Variants in KIF16B observed in about 807,000 individuals in gnomAD.
KIF16B encodes the protein kinesin-like protein KIF16B.
Under a neutral mutation model 156.3 loss-of-function variants are expected in KIF16B, and 98 were observed. That is an observed-to-expected ratio of 0.63 (90% CI 0.53 to 0.74). KIF16B has a LOEUF of 0.74. KIF16B is among the 30% of genes least tolerant of loss of function. KIF16B has a pLI of 0.00. For synonymous variants in KIF16B, 564 were observed against 583.7 expected (o/e 0.97, Z 0.49); for missense variants, 1,421 against 1,606.5 (o/e 0.88, Z 1.97).
intron 1 of KIF16B, among the ~76,000 whole-genome samples, chr20:16,566,201 T>C (rs4813224): frequency 0.76 from 115,793 of 152,210 alleles, 44,160 homozygotes; most frequent in East Asian, 0.79. Flanking sequence ...TTTCCAATTA[T>C]AACCATGCCC....
intron 1 of KIF16B, among the ~76,000 whole-genome samples, chr20:16,550,155 AAAAC>A (rs2070584989): frequency 8.1e-6 from 1 of 123,648 alleles, no homozygotes; most frequent in Non-Finnish European, 1.7e-5. Flanking sequence ...TTACAAGAAA[AAAAC>A]AAACAACCCC....
chr20:16,478,680 A>G (rs2067888932), intron 12 of KIF16B, among the ~76,000 whole-genome samples: 1 of 152,156 alleles, frequency 6.6e-6, no homozygotes, highest in African/African-American at 2.4e-5. Flanking sequence ...TTTGTATTCA[A>G]GTCACCCTTA....
Position 16,507,980 on chromosome 20 carries a change from A to G in KIF16B, c.677T>C (p.Ile226Thr), listed in dbSNP as rs1389303353. Residue 226 changes from isoleucine to threonine, a missense_variant, in exon 7 of 26, where the codon ATC (isoleucine) becomes ACC (threonine). By Grantham distance (89) the Ile-to-Thr change is moderately conservative. Transcript: ENST00000354981. ...TACCTGAGTGAACTTGATGGTGAAG[A>G]TGGCATGAGACCTGCTACTGACGTC... Reference protein sequence around the residue: ...MNDVSSRSHAIFTIKFTQAKF... With the variant: ...MNDVSSRSHATFTIKFTQAKF... 6.2e-7 allele frequency: 1 copy of G among 1,614,076 alleles called. No homozygotes were observed.
chr20:16,557,525 G>T (rs1394312641), intron 1 of KIF16B, among the ~76,000 whole-genome samples: 1 of 152,100 alleles, frequency 6.6e-6, no homozygotes, highest in African/African-American at 2.4e-5. Context: ...AGTCATCACA[G>T]TAACACCAGA....
chr20:16,356,404 G>C lies in KIF16B; in HGVS notation c.3547C>G (p.Pro1183Ala), dbSNP rs773791181. The C allele has an allele frequency of 2.5e-6, 4 of 1,614,104 alleles. No individual in the cohort carries two copies. In the South Asian group the frequency reaches 3.3e-5, roughly 13 times the overall value. The change falls in exon 23 of 26, where the codon CCA becomes GCA. Residue 1183 changes from proline (P) to alanine (A), a missense_variant. Coordinates refer to ENST00000354981, the MANE Select transcript of KIF16B (RefSeq NM_024704.5). The part of the protein sequence containing the change: ...LGANPDDLKD[P>A]IKISIPRYVL... ...TAGCGTGGGATACTAATTTTAATTG[G>C]GTCCTTCAGGTCATCTGGATTTGCG...
chr20:16,374,161 A>C, intron 20 of KIF16B, 96 bp downstream of exon 20: 1 of 1,270,860 alleles, frequency 7.9e-7, no homozygotes, highest in Non-Finnish European at 1.1e-6. Context: ...GTTGCCCTTA[A>C]TAGAGCCCTC....
Position 16,512,885 on chromosome 20 carries a change from G to A in KIF16B, c.387C>T (p.Leu129=), listed in dbSNP as rs2069002424. Residue 129 remains leucine (L), a synonymous_variant, in exon 5 of 26, where the codon CTC becomes CTT. Coordinates refer to ENST00000354981, the MANE Select transcript of KIF16B (RefSeq NM_024704.5). ...SGLIPRICEG[L]FSRINETTRW... ...TGGTGGTTTCATTTATCCGACTGAA[G>A]AGTCCTTCACAGATCCGAGGTATTA... 6.2e-7 allele frequency: 1 copy of A among 1,613,888 alleles called. No individual in the cohort carries two copies. Among genetic ancestry groups the A allele is most frequent in the Non-Finnish European group, 8.5e-7 (1 of 1,179,792 alleles).
chr20:16,419,955 T>G lies in KIF16B; in HGVS notation c.1612+7149A>C, dbSNP rs117476406. The stretch of plus-strand genomic sequence containing the variant: ...GTATTATGATCAAATTCACATTTTC[T>G]TCTTGGTAAAATTCACACTTTCTTG... On this transcript the variant is annotated intron_variant, in intron 15 of 25. Coordinates refer to ENST00000354981, the MANE Select transcript of KIF16B (RefSeq NM_024704.5). 4.6e-3 allele frequency among the ~76,000 whole-genome samples: 707 copies of G among 152,292 alleles called. 5 individuals are homozygous for G. Among genetic ancestry groups the G allele is most frequent in the East Asian group, 0.023 (120 of 5,176 alleles).
chr20:16,331,391 G>C (rs1454190549), intron 24 of KIF16B, among the ~76,000 whole-genome samples: 1 of 152,276 alleles, frequency 6.6e-6, no homozygotes, highest in East Asian at 1.9e-4. Context: ...TTTAGACAAA[G>C]TTCCAAAAGA....
In KIF16B at chr20:16,404,815, G is replaced by A. The variant is rs780867035; in HGVS notation, c.1782C>T (p.Pro594=). The change falls in exon 17 of 26, where the codon CCC becomes CCT. Residue 594 remains proline, a splice_region_variant and synonymous_variant. Coordinates refer to ENST00000354981, the MANE Select transcript of KIF16B (RefSeq NM_024704.5). ...AGGAGATGCTGCTGTTCACTCACCC[G>A]GGGTTATACAACATGACTGCAGACA... ...ENLSAVMLYN[P]GLEFERQQRE... The A allele has an allele frequency of 9.3e-6, 15 of 1,609,372 alleles. No homozygotes were observed. Among genetic ancestry groups the A allele is most frequent in the Non-Finnish European group, 6.0e-6 (7 of 1,176,050 alleles).
At chr20:16,289,774 G>A (rs1467940493) in intron 25 of KIF16B, among the ~76,000 whole-genome samples, 2 of 152,234 alleles carry the variant, frequency 1.3e-5, no homozygotes, top group African/African-American at 4.8e-5. Context: ...CCAGGAGGCG[G>A]AGGCTGCAGT....
intron 12 of KIF16B, among the ~76,000 whole-genome samples, chr20:16,457,832 C>T (rs1418752403): frequency 1.3e-5 from 2 of 151,824 alleles, no homozygotes; most frequent in South Asian, 2.1e-4. Context: ...AATTTAGCCA[C>T]GCCGGCACAC....
chr20:16,397,540 GAT>G (rs1210345818), intron 17 of KIF16B, among the ~76,000 whole-genome samples: 2 of 152,194 alleles, frequency 1.3e-5, no homozygotes, highest in East Asian at 3.8e-4. Flanking sequence ...AAAATTAGTA[GAT>G]GGCCTGCTGA....
intron 1 of KIF16B, among the ~76,000 whole-genome samples, chr20:16,544,447 T>C (rs2070323094): frequency 6.6e-6 from 1 of 151,706 alleles, no homozygotes; most frequent in Non-Finnish European, 1.5e-5. Flanking sequence ...CCGTCTCTAC[T>C]AAAAATACAA....
Position 16,440,633 on chromosome 20 carries a change from C to T in KIF16B, c.1303-10651G>A, listed in dbSNP as rs149339243. Among the ~76,000 whole-genome samples the T allele has an allele frequency of 7.2e-3, 1,084 of 150,342 alleles. 3 individuals are homozygous for T. The highest frequency in any genetic ancestry group is 0.012 in the Non-Finnish European group (828 of 67,608). On this transcript the variant is annotated intron_variant, in intron 12 of 25. Transcript: ENST00000354981. ...GGAAGAGCCACAGGACTCACCAGGG[C>T]AGAATTAGGAGAAGAAGGGTCTGGC...
At chr20:16,561,938 T>C (rs1235161032) in intron 1 of KIF16B, among the ~76,000 whole-genome samples, 1 of 152,192 alleles carries the variant, frequency 6.6e-6, no homozygotes, top group Admixed American at 6.5e-5. Flanking sequence ...TACATTTAGA[T>C]GCAATGTGGG....
In KIF16B at chr20:16,472,768, T is replaced by A. The variant is rs1315082390; in HGVS notation, c.1302+21523A>T. 2.0e-5 allele frequency among the ~76,000 whole-genome samples: 3 copies of A among 152,222 alleles called. No individual in the cohort carries two copies. The East Asian group carries it at 5.8e-4, about 30-fold the overall frequency. On this transcript the variant is annotated intron_variant, in intron 12 of 25. Transcript: ENST00000354981. ...GCTGACTGACCGCCTGCCTACTGAC[T>A]TTGCATTCTGCCCTTGTCAACCTAT...
intron 6 of KIF16B, among the ~76,000 whole-genome samples, chr20:16,509,037 A>G (rs1468744353): frequency 6.6e-6 from 1 of 152,162 alleles, no homozygotes; most frequent in Admixed American, 6.5e-5. Context: ...ATACATACAC[A>G]AGCAATCATA....
intron 1 of KIF16B, among the ~76,000 whole-genome samples, chr20:16,546,011 A>C (rs781331967): frequency 6.6e-6 from 1 of 152,186 alleles, no homozygotes; most frequent in African/African-American, 2.4e-5. Context: ...GGTATAATTC[A>C]AACTAAATTG....
Sources: gnomAD v4.1 joint callset for allele counts (sites outside exome capture counted in the v4.1 genomes callset) on GRCh38, gnomAD v4.1.1 for gene constraint, MANE v1.5 for transcripts, NCBI Gene and HGNC (gene_info 2026-07-23, HGNC 2026-07-21) for gene names.